Variants in TASP1 observed in about 807,000 individuals in gnomAD.
The protein encoded by TASP1 is threonine aspartase 1.
In TASP1, 16 loss-of-function variants were observed where a neutral mutation model predicts 56.6. The observed-to-expected ratio is 0.28, with a 90% CI of 0.19 to 0.43. The LOEUF (loss-of-function observed/expected upper bound fraction) is 0.43, where lower values mean the gene tolerates loss of function less well. TASP1 is among the 20% of genes least tolerant of loss of function. TASP1 has a pLI of 1.00. For missense variants in TASP1, 393 were observed against 511.6 expected (o/e 0.77, Z 2.24); for synonymous variants, 179 against 184.2 (o/e 0.97, Z 0.23).
the TASP1 span, among the ~76,000 whole-genome samples, chr20:13,206,042 C>T: frequency 2.0e-5 from 3 of 152,344 alleles, no homozygotes. Flanking sequence ...AGAGAACACC[C>T]TCAGGCAGAG....
At chr20:13,423,955 A>G (rs568266988) in intron 12 of TASP1, among the ~76,000 whole-genome samples, 1 of 152,168 alleles carries the variant, frequency 6.6e-6, no homozygotes, top group African/African-American at 2.4e-5. Context: ...TTCTTGTCTC[A>G]TGATTATCTA....
the TASP1 span, among the ~76,000 whole-genome samples, chr20:13,309,248 G>A: frequency 1.3e-4 from 20 of 152,012 alleles, no homozygotes; most frequent in South Asian, 4.2e-3. Context: ...GTGAGTGGGT[G>A]GAGGAGGGGA....
intron 8 of TASP1, among the ~76,000 whole-genome samples, chr20:13,537,967 T>C (rs1208238828): frequency 1.3e-5 from 2 of 151,720 alleles, no homozygotes; most frequent in Admixed American, 6.6e-5. Context: ...TAATCTGCAC[T>C]CTCTGAAATC....
At chr20:13,635,162 T>G (rs1260975189) in intron 1 of TASP1, among the ~76,000 whole-genome samples, 4 of 152,194 alleles carry the variant, frequency 2.6e-5, no homozygotes, top group African/African-American at 4.8e-5. Flanking sequence ...TTTAAATGGG[T>G]AAACTGATCT....
chr20:13,112,068 T>C, the TASP1 span, among the ~76,000 whole-genome samples: 1 of 152,218 alleles, frequency 6.6e-6, no homozygotes, highest in South Asian at 2.1e-4. Context: ...CAGTTACCTA[T>C]TGCCATGTAA....
the TASP1 span, among the ~76,000 whole-genome samples, chr20:13,212,652 C>A: frequency 5.1e-4 from 78 of 152,160 alleles, no homozygotes; most frequent in Non-Finnish European, 9.0e-4. Context: ...TTGTTTATCA[C>A]TTATTATGGA....
the TASP1 span, among the ~76,000 whole-genome samples, chr20:13,244,544 A>G: frequency 2.0e-5 from 3 of 152,230 alleles, no homozygotes; most frequent in African/African-American, 7.2e-5. Context: ...AATGATAAGC[A>G]AACACATTGC....
chr20:13,119,255 C>T, the TASP1 span, among the ~76,000 whole-genome samples: 11 of 152,160 alleles, frequency 7.2e-5, no homozygotes, highest in Admixed American at 1.3e-4. Flanking sequence ...CTGAATAAAC[C>T]GAAGCAAGCC....
At chr20:13,474,888 G>T (rs920590977) in intron 11 of TASP1, among the ~76,000 whole-genome samples, 1 of 152,084 alleles carries the variant, frequency 6.6e-6, no homozygotes, top group Non-Finnish European at 1.5e-5. Context: ...AATGATTAGT[G>T]ATATTGAGCA....
Position 13,435,052 on chromosome 20 carries a change from G to A in TASP1, c.1088C>T (p.Thr363Ile). 1.9e-6 allele frequency: 3 copies of A among 1,609,398 alleles called. No homozygotes were observed. Among genetic ancestry groups the A allele is most frequent in the South Asian group, 1.1e-5 (1 of 90,136 alleles). Reference protein sequence around the residue: ...AEPDSSQNKQTLLVEFLWSHT... With the variant: ...AEPDSSQNKQILLVEFLWSHT... ...GTATATGTCTCACTTACCTAGAAGTGTCTGCTTATTTTGGGAGGAGTCAGG... is the reference window on the plus strand; with the variant it reads ...GTATATGTCTCACTTACCTAGAAGTATCTGCTTATTTTGGGAGGAGTCAGG... Residue 363 changes from threonine (T) to isoleucine (I), a missense_variant, in exon 12 of 14, where the codon ACA becomes ATA. Thr to Ile is a moderately conservative substitution (Grantham distance 89). This residue lies in a region of TASP1 where 293 missense variants were observed against 354.2 expected (regional missense o/e 0.83). Coordinates refer to ENST00000337743, the MANE Select transcript of TASP1 (RefSeq NM_017714.3).
At chr20:13,291,235 T>C in the TASP1 span, among the ~76,000 whole-genome samples, 1 of 152,204 alleles carries the variant, frequency 6.6e-6, no homozygotes, top group African/African-American at 2.4e-5. Flanking sequence ...TCACCCTCCT[T>C]GCATCCTTTC....
chr20:13,184,995 A>AT, the TASP1 span, among the ~76,000 whole-genome samples: 11 of 151,878 alleles, frequency 7.2e-5, no homozygotes, highest in South Asian at 4.2e-4. Context: ...ATTAGGGAAG[A>AT]TTTTTTTTCC....
intron 10 of TASP1, among the ~76,000 whole-genome samples, chr20:13,510,408 T>C (rs2044286038): frequency 6.6e-6 from 1 of 152,200 alleles, no homozygotes; most frequent in Non-Finnish European, 1.5e-5. Flanking sequence ...TTCTACTCAA[T>C]TTAAGTGAAA....
At chr20:13,186,455 C>G in the TASP1 span, among the ~76,000 whole-genome samples, 3 of 152,058 alleles carry the variant, frequency 2.0e-5, no homozygotes, top group African/African-American at 7.2e-5. Flanking sequence ...ACTGGGAATG[C>G]TGAAACCAGG....
chr20:13,368,298 CT>C, the TASP1 span: 1 of 152,100 alleles, frequency 6.6e-6, no homozygotes, highest in Non-Finnish European at 1.5e-5. Context: ...CAGTTTCTTC[CT>C]TTATTCATCA....
the TASP1 span, among the ~76,000 whole-genome samples, chr20:13,274,672 C>A: frequency 0.084 from 12,236 of 146,052 alleles, 549 homozygotes; most frequent in Middle Eastern, 0.11. Flanking sequence ...CACTCCCCGC[C>A]CCCCCCGCGC....
At chr20:13,292,432 G>C in the TASP1 span, 3 of 1,605,086 alleles carry the variant, frequency 1.9e-6, no homozygotes, top group Non-Finnish European at 2.6e-6. Flanking sequence ...CGGGAAGCGA[G>C]GAGTTTAATG....
At chr20:13,570,462 C>T (rs750249979) in intron 6 of TASP1, among the ~76,000 whole-genome samples, 5 of 152,090 alleles carry the variant, frequency 3.3e-5, no homozygotes, top group South Asian at 2.1e-4. Flanking sequence ...ATTAAAAACT[C>T]GAAGTAACAC....
intron 5 of TASP1, among the ~76,000 whole-genome samples, chr20:13,583,699 G>C (rs1037373855): frequency 2.0e-5 from 3 of 152,104 alleles, no homozygotes; most frequent in Non-Finnish European, 4.4e-5. Context: ...GTATTACATA[G>C]GATAAAAGCA....
Sources: gnomAD v4.1 joint callset for allele counts (sites outside exome capture counted in the v4.1 genomes callset) on GRCh38, gnomAD v4.1.1 for gene constraint, gnomAD v4.1.1 regional missense constraint, MANE v1.5 for transcripts, NCBI Gene and HGNC (gene_info 2026-07-23, HGNC 2026-07-21) for gene names.